The following ARHGAP12 variants were observed in gnomAD, a reference collection of about 807,000 sequenced individuals.
ARHGAP12 encodes the protein Rho GTPase activating protein 12, also known as rho GTPase-activating protein 12.
A neutral mutation model predicts 108.6 loss-of-function variants in ARHGAP12; 64 were observed. The ratio of observed to expected loss-of-function variants is 0.59; its 90% confidence interval spans 0.48 to 0.73. The LOEUF (loss-of-function observed/expected upper bound fraction) is 0.73. ARHGAP12 is among the 30% of genes least tolerant of loss of function. The pLI is 0.00. For missense variants in ARHGAP12, 940 were observed against 1,005.9 expected (o/e 0.93, Z 0.89); for synonymous variants, 312 against 337.2 (o/e 0.93, Z 0.82).
chr10:31,832,572 G>A (rs1237618068), intron 9 of ARHGAP12, among the ~76,000 whole-genome samples: 1 of 152,174 alleles, frequency 6.6e-6, no homozygotes, highest in Non-Finnish European at 1.5e-5. Flanking sequence ...AAAATGAGCT[G>A]AGTCCATAGT....
chr10:31,820,702 T>C (rs1399864582), intron 11 of ARHGAP12, among the ~76,000 whole-genome samples: 12 of 119,236 alleles, frequency 1.0e-4, no homozygotes, highest in Non-Finnish European at 2.1e-4. Context: ...ATGACTCAAC[T>C]TCCATCATAT....
chr10:31,810,892 G>A (rs571208295), intron 15 of ARHGAP12, 145 bp from the exon 16 acceptor site: 1 of 615,528 alleles, frequency 1.6e-6, no homozygotes, highest in Non-Finnish European at 2.8e-6. Flanking sequence ...TATGCATCTT[G>A]CCTACTTCTT....
chr10:31,905,761 T>G (rs888041931), intron 3 of ARHGAP12, among the ~76,000 whole-genome samples: 3 of 152,102 alleles, frequency 2.0e-5, no homozygotes, highest in Non-Finnish European at 2.9e-5. Flanking sequence ...GAATGTTCTT[T>G]GATTGCACAG....
intron 9 of ARHGAP12, 136 bp from the exon 10 acceptor site, chr10:31,831,936 T>C (rs776333144): frequency 2.1e-6 from 1 of 474,880 alleles, no homozygotes. Flanking sequence ...GTAACATGCG[T>C]AGTTCTAGAA....
intron 3 of ARHGAP12, among the ~76,000 whole-genome samples, chr10:31,886,098 T>C (rs1170386083): frequency 6.6e-6 from 1 of 152,238 alleles, no homozygotes. Flanking sequence ...AACCATCTGC[T>C]TGGCATTTAC....
intron 4 of ARHGAP12, among the ~76,000 whole-genome samples, chr10:31,856,278 G>C (rs1190443333): frequency 6.6e-6 from 1 of 151,990 alleles, no homozygotes; most frequent in Non-Finnish European, 1.5e-5. Context: ...GAAGAAAAAA[G>C]AGCAGCTTTC....
At chr10:31,866,341 T>C (rs768304870) in intron 3 of ARHGAP12, among the ~76,000 whole-genome samples, 3 of 152,210 alleles carry the variant, frequency 2.0e-5, no homozygotes, top group Non-Finnish European at 4.4e-5. Flanking sequence ...TTTCCTGCCA[T>C]AAACTAGAAA....
chr10:31,861,711 T>A, intron 3 of ARHGAP12, 53 bp from the exon 4 acceptor site: 1 of 1,505,248 alleles, frequency 6.6e-7, no homozygotes, highest in Non-Finnish European at 8.9e-7. Flanking sequence ...AACATTTAAG[T>A]CAAAATTAAA....
intron 9 of ARHGAP12, among the ~76,000 whole-genome samples, chr10:31,835,465 A>T (rs1835982939): frequency 6.6e-6 from 1 of 152,190 alleles, no homozygotes; most frequent in Admixed American, 6.5e-5. Context: ...AATTATGGTT[A>T]AATTGAGTAA....
At chr10:31,850,646 C>CTTAG (rs1564389020) in intron 6 of ARHGAP12, among the ~76,000 whole-genome samples, 1 of 152,054 alleles carries the variant, frequency 6.6e-6, no homozygotes, top group East Asian at 1.9e-4. Flanking sequence ...TGGTAACAGT[C>CTTAG]GTACTAAGCT....
chr10:31,869,501 C>A (rs1373947508), intron 3 of ARHGAP12, among the ~76,000 whole-genome samples: 1 of 152,062 alleles, frequency 6.6e-6, no homozygotes, highest in African/African-American at 2.4e-5. Context: ...TACACCACTG[C>A]ACTCCAGCCT....
chr10:31,855,513 T>C (rs1194273062), intron 4 of ARHGAP12, among the ~76,000 whole-genome samples: 3 of 152,204 alleles, frequency 2.0e-5, no homozygotes, highest in Non-Finnish European at 4.4e-5. Context: ...TATTAATATG[T>C]TCACAAAAAC....
At chr10:31,906,721 G>C (rs928858547) in intron 3 of ARHGAP12, among the ~76,000 whole-genome samples, 5 of 152,170 alleles carry the variant, frequency 3.3e-5, no homozygotes, top group Admixed American at 2.6e-4. Flanking sequence ...GAAGTTAGGA[G>C]CCATGGAACT....
intron 3 of ARHGAP12, among the ~76,000 whole-genome samples, chr10:31,876,927 A>C (rs1272187234): frequency 6.6e-6 from 1 of 152,176 alleles, no homozygotes; most frequent in African/African-American, 2.4e-5. Flanking sequence ...TACAAAAGAC[A>C]AGTTTTTCCA....
intron 3 of ARHGAP12, among the ~76,000 whole-genome samples, chr10:31,891,423 G>A (rs2132401797): frequency 1.3e-5 from 2 of 152,254 alleles, no homozygotes; most frequent in East Asian, 3.9e-4. Context: ...CTCTCTTCTG[G>A]CTTGCAGAGT....
At chr10:31,838,049 A>C (rs571686377) in intron 9 of ARHGAP12, among the ~76,000 whole-genome samples, 49 of 152,294 alleles carry the variant, frequency 3.2e-4, no homozygotes, top group African/African-American at 1.1e-3. Flanking sequence ...ATAATATATA[A>C]TCAAATACTA....
At chr10:31,880,529 A>G (rs1837907570) in intron 3 of ARHGAP12, among the ~76,000 whole-genome samples, 1 of 152,186 alleles carries the variant, frequency 6.6e-6, no homozygotes. Flanking sequence ...AAACAAAAAG[A>G]ATAAGATTCT....
At chr10:31,844,541 T>C (rs2132241830) in intron 6 of ARHGAP12, among the ~76,000 whole-genome samples, 1 of 152,064 alleles carries the variant, frequency 6.6e-6, no homozygotes, top group East Asian at 1.9e-4. Context: ...CCAATGCTTG[T>C]TTGTTTGTTG....
intron 3 of ARHGAP12, among the ~76,000 whole-genome samples, chr10:31,894,201 CCT>C: frequency 6.6e-6 from 1 of 152,242 alleles, no homozygotes; most frequent in Middle Eastern, 3.4e-3. Flanking sequence ...ACAGGCATGC[CCT>C]CTCTCATCAC....
Sources: allele counts gnomAD v4.1 joint callset (sites outside exome capture counted in the v4.1 genomes callset), GRCh38; gene constraint gnomAD v4.1.1; transcripts MANE v1.5; gene names NCBI Gene and HGNC (gene_info 2026-07-23, HGNC 2026-07-21).